Variants in CGN observed in about 807,000 individuals in gnomAD.
The protein encoded by CGN is cingulin.
A neutral mutation model predicts 157.1 loss-of-function variants in CGN; 121 were observed. The observed-to-expected ratio is 0.77, with a 90% CI of 0.66 to 0.90. The LOEUF (loss-of-function observed/expected upper bound fraction) is 0.90, where lower values mean the gene tolerates loss of function less well. Among genes scored for constraint, CGN ranks in the 40% least tolerant of loss-of-function variants. The pLI is 0.00. For synonymous variants in CGN, 535 were observed against 607.5 expected, an observed-to-expected ratio of 0.88 and a Z score of 1.76; for missense variants, 1,424 against 1,520.9, an observed-to-expected ratio of 0.94 and a Z score of 1.06.
In CGN at chr1:151,534,115, C is replaced by G; in HGVS notation, c.2883C>G (p.Ala961=). The change falls in exon 15 of 21, where the codon GCC becomes GCG. Residue 961 remains alanine (A), a synonymous_variant. Transcript: ENST00000271636. ...AGAAGCGTTCCCAGGACGACAGGGC[C>G]CGGCAGCTGAAGGGTCTCGAGGTGA... ...ENKKRSQDDR[A]RQLKGLEEKV... 1 of 1,599,486 alleles carries G rather than the reference C, an allele frequency of 6.3e-7. No individual in the cohort carries two copies. Among genetic ancestry groups the G allele is most frequent in the Non-Finnish European group, 8.5e-7 (1 of 1,172,820 alleles).
rs1449981676 is a variant in CGN at position 151,520,645 on chromosome 1, C to A, written c.1094C>A (p.Thr365Asn). The change falls in exon 5 of 21, where the codon ACC becomes AAC. Residue 365 changes from threonine (T) to asparagine (N), a missense_variant. Around this residue, in one of 3 missense-constraint regions of CGN, gnomAD observed 1,187 missense variants for 1,217.6 expected, o/e 0.97. Transcript: ENST00000271636. ...GCCGTGGCAGGGCAGGGTGAGCTTACCCGAAAAGTGGAGGAGCTACAGCGA... is the reference window on the plus strand; with the variant it reads ...GCCGTGGCAGGGCAGGGTGAGCTTAACCGAAAAGTGGAGGAGCTACAGCGA... ...TKAVAGQGEL[T>N]RKVEELQRKL... 6.2e-6 allele frequency: 10 copies of A among 1,613,992 alleles called. No individual in the cohort carries two copies. The African/African-American group carries it at 1.3e-4, about 22-fold the overall frequency.
At chr1:151,521,458 C>G (rs1321448078) in intron 5 of CGN, among the ~76,000 whole-genome samples, 1 of 152,204 alleles carries the variant, frequency 6.6e-6, no homozygotes, top group Non-Finnish European at 1.5e-5. Context: ...TTCTAAGCCT[C>G]TGTTTCCTAA....
Position 151,514,855 on chromosome 1 carries a change from A to C in CGN, c.-15+3340A>C, listed in dbSNP as rs116133244. ...AAGAAGTGACATCTTTCTATGAACC[A>C]GGTGAAGCCAAAAGTGCCTGTTGGA... On this transcript the variant is annotated intron_variant, in intron 1 of 20. Transcript: ENST00000271636. 9.3e-3 allele frequency among the ~76,000 whole-genome samples: 1,413 copies of C among 152,314 alleles called. 19 individuals are homozygous for C. Among genetic ancestry groups the C allele is most frequent in the African/African-American group, 0.033 (1,355 of 41,560 alleles).
At position 151,528,278 on chromosome 1, in the gene CGN, C is replaced by T. The variant is rs180993015; in HGVS notation, c.1897-1072C>T. Among the ~76,000 whole-genome samples, 86 of 152,088 alleles carry T rather than the reference C, an allele frequency of 5.7e-4. No homozygotes were observed. The East Asian group carries it at 0.016, about 28-fold the overall frequency. ...CCGGGATTACAGGCGTGAGCCACCG[C>T]ACCCAGCCTCACACTGTATTTTTTT... On this transcript the variant is annotated intron_variant, in intron 10 of 20. Transcript: ENST00000271636.
chr1:151,536,214 G>T, intron 18 of CGN, 23 bp from the exon 19 acceptor site: 3 of 1,442,890 alleles, frequency 2.1e-6, no homozygotes, highest in Non-Finnish European at 2.9e-6. Context: ...GACACTCATA[G>T]ACATTCTTCT....
chr1:151,534,503 G>A (rs772553487), intron 15 of CGN: 1 of 262,086 alleles, frequency 3.8e-6, no homozygotes, highest in Non-Finnish European at 7.3e-6. Flanking sequence ...AGGCACTTAA[G>A]ACTTAATCCT....
chr1:151,520,554 T>G (rs761369013), intron 4 of CGN, 42 bp from the exon 5 acceptor site: 1 of 1,612,398 alleles, frequency 6.2e-7, no homozygotes, highest in African/African-American at 1.3e-5. Flanking sequence ...GATCCAGACT[T>G]GGACTCACTC....
chr1:151,510,799 G>C (rs1015461800), upstream of CGN: 16 of 152,128 alleles, frequency 1.1e-4, no homozygotes, highest in African/African-American at 3.6e-4. Flanking sequence ...TTAACTAGAA[G>C]GTGATAAATA....
At position 151,534,029 on chromosome 1, in the gene CGN, C is replaced by G; in HGVS notation, c.2797C>G (p.Arg933Gly). ...ATCCCAGGCTGAGCGGGACACAGCCCGGCTGGACAAAGAGCTACTGGCCCA... is the reference window on the plus strand; with the variant it reads ...ATCCCAGGCTGAGCGGGACACAGCCGGGCTGGACAAAGAGCTACTGGCCCA... Reference protein sequence around the residue: ...QASQAERDTARLDKELLAQRL... With the variant: ...QASQAERDTAGLDKELLAQRL... The change falls in exon 15 of 21, where the codon CGG becomes GGG. Residue 933 changes from arginine (R) to glycine (G), a missense_variant. By Grantham distance (125) the Arg-to-Gly change is moderately radical. Transcript: ENST00000271636. 6.2e-7 allele frequency: 1 copy of G among 1,613,480 alleles called. No individual in the cohort carries two copies. Among genetic ancestry groups the G allele is most frequent in the Non-Finnish European group, 8.5e-7 (1 of 1,179,916 alleles).
chr1:151,519,884 C>G (rs1664500657), intron 2 of CGN, among the ~76,000 whole-genome samples: 1 of 152,146 alleles, frequency 6.6e-6, no homozygotes, highest in South Asian at 2.1e-4. Context: ...AGTGACAAAT[C>G]ACTTGTGGCA....
At chr1:151,531,391 T>C (rs370584915) in intron 13 of CGN, among the ~76,000 whole-genome samples, 1 of 152,244 alleles carries the variant, frequency 6.6e-6, no homozygotes, top group South Asian at 2.1e-4. Context: ...AGACTCTGTC[T>C]CTACTTAAAA....
At chr1:151,522,196 G>A (rs1189145554) in intron 5 of CGN, among the ~76,000 whole-genome samples, 1 of 152,224 alleles carries the variant, frequency 6.6e-6, no homozygotes, top group Non-Finnish European at 1.5e-5. Flanking sequence ...TTTGAGCCCA[G>A]GAGGTTAAGA....
intron 5 of CGN, among the ~76,000 whole-genome samples, chr1:151,522,921 C>T (rs1432355260): frequency 3.8e-5 from 5 of 131,772 alleles, no homozygotes; most frequent in African/African-American, 1.6e-4. Context: ...CAAAACAAAA[C>T]ACCAAGAAAA....
At chr1:151,512,856 A>C (rs1418320898) in intron 1 of CGN, among the ~76,000 whole-genome samples, 4 of 152,210 alleles carry the variant, frequency 2.6e-5, no homozygotes, top group Non-Finnish European at 4.4e-5. Context: ...CTGGCTTCCT[A>C]GAACCCTTCC....
chr1:151,520,567 T>C, intron 4 of CGN, 29 bp from the exon 5 acceptor site: 1 of 1,613,426 alleles, frequency 6.2e-7, no homozygotes, highest in Non-Finnish European at 8.5e-7. Context: ...ACTCACTCCC[T>C]TCCCCCACAC....
chr1:151,535,647 GGA>G lies in CGN; in HGVS notation c.3043_3044del (p.Asp1015ProfsTer4), dbSNP rs767340975. On this transcript the variant is annotated frameshift_variant, in exon 17 of 21. Coordinates refer to ENST00000271636, the MANE Select transcript of CGN (RefSeq NM_020770.3). LOFTEE classifies it high-confidence loss of function. ...TCATGCAGGAAAGGTCTGCTCGGCAGGACCTGGAGTGTGACAAAATCTCCTTG... is the reference window on the plus strand; with the variant it reads ...TCATGCAGGAAAGGTCTGCTCGGCAGCCTGGAGTGTGACAAAATCTCCTTG... The part of the protein sequence containing the change: ...ELMQERSARQ[D>X]LECDKISLER... 1.2e-6 allele frequency: 2 copies of G among 1,614,194 alleles called. No homozygotes were observed. The highest frequency in any genetic ancestry group is 1.7e-6 in the Non-Finnish European group (2 of 1,180,012).
At chr1:151,514,046 C>T (rs1214245363) in intron 1 of CGN, among the ~76,000 whole-genome samples, 7 of 152,214 alleles carry the variant, frequency 4.6e-5, no homozygotes, top group East Asian at 1.9e-4. Context: ...GCCTTGGTCC[C>T]GCCCCACTGT....
chr1:151,534,677 G>A (rs958625762), intron 15 of CGN: 15 of 271,482 alleles, frequency 5.5e-5, no homozygotes, highest in African/African-American at 1.3e-4. Flanking sequence ...TAGCCTCTAC[G>A]TGGTACTGCC....
At position 151,527,013 on chromosome 1, in the gene CGN, AG is replaced by A. The variant is rs1664697232; in HGVS notation, c.1804del (p.Glu602SerfsTer6). 6.2e-7 allele frequency: 1 copy of A among 1,614,018 alleles called. No homozygotes were observed. Among genetic ancestry groups the A allele is most frequent in the Non-Finnish European group, 8.5e-7 (1 of 1,180,034 alleles). On this transcript the variant is annotated frameshift_variant, in exon 10 of 21. Transcript: ENST00000271636. LOFTEE classifies it high-confidence loss of function. The part of the protein sequence containing the change: ...QLRMEKEEME[E>X]ELGEKIEVLQ... ...CGAATGGAGAAGGAGGAGATGGAAG[AG>A]GAGCTTGGAGAGAAGATAGAGGTCT...
Sources: gnomAD v4.1 joint callset for allele counts (sites outside exome capture counted in the v4.1 genomes callset) on GRCh38, gnomAD v4.1.1 for gene constraint, gnomAD v4.1.1 regional missense constraint, MANE v1.5 for transcripts, NCBI Gene and HGNC (gene_info 2026-07-23, HGNC 2026-07-21) for gene names.